SOX30: variants seen among roughly 807,000 people sequenced by gnomAD.
SOX30 encodes the protein SRY-box transcription factor 30, also known as transcription factor SOX-30.
A neutral mutation model predicts 58.6 loss-of-function variants in SOX30; 17 were observed. That is an observed-to-expected ratio of 0.29 (90% CI 0.20 to 0.44). The LOEUF (loss-of-function observed/expected upper bound fraction) is 0.44. Among genes scored for constraint, SOX30 ranks in the 20% least tolerant of loss-of-function variants. The pLI, the probability that SOX30 is intolerant of heterozygous loss-of-function variation, is 1.00. For missense variants in SOX30, 951 were observed against 965.8 expected, an observed-to-expected ratio of 0.98 and a Z score of 0.20; for synonymous variants, 421 against 400.2, an observed-to-expected ratio of 1.05 and a Z score of -0.62.
intron 3 of SOX30, among the ~76,000 whole-genome samples, chr5:157,639,700 CA>C (rs1242900425): frequency 6.6e-6 from 1 of 152,192 alleles, no homozygotes; most frequent in Non-Finnish European, 1.5e-5. Context: ...TGAAGAAATA[CA>C]GATGGATGCC....
At chr5:157,659,687 C>T (rs1435481705) in intron 2 of SOX30, among the ~76,000 whole-genome samples, 4 of 152,148 alleles carry the variant, frequency 2.6e-5, no homozygotes, top group African/African-American at 7.2e-5. Context: ...AACATGTCAC[C>T]AAGGTGGTCA....
At chr5:157,652,578 T>C (rs765570409), upstream of SOX30, among the ~76,000 whole-genome samples, 7 of 152,328 alleles carry the variant, frequency 4.6e-5, no homozygotes, top group Middle Eastern at 3.4e-3. Context: ...CACCAGGGCT[T>C]TTGAATCTTT....
chr5:157,657,717 A>G (rs1346561051), intron 2 of SOX30, among the ~76,000 whole-genome samples: 1 of 152,248 alleles, frequency 6.6e-6, no homozygotes, highest in African/African-American at 2.4e-5. Context: ...ATTGCTGTGA[A>G]TAACATTTGA....
intron 4 of SOX30, among the ~76,000 whole-genome samples, chr5:157,630,546 C>G (rs1189643990): frequency 6.6e-6 from 1 of 152,032 alleles, no homozygotes; most frequent in African/African-American, 2.4e-5. Context: ...TCATTGAAAT[C>G]TCTGTTCAAT....
upstream of SOX30, among the ~76,000 whole-genome samples, chr5:157,656,492 A>G (rs1020733068): frequency 2.6e-4 from 39 of 152,350 alleles, no homozygotes; most frequent in African/African-American, 8.9e-4. Flanking sequence ...GCCTGGGGAC[A>G]TGTGATGTTA....
chr5:157,649,144 G>A (rs528714146), intron 1 of SOX30, among the ~76,000 whole-genome samples: 1 of 151,816 alleles, frequency 6.6e-6, no homozygotes, highest in Non-Finnish European at 1.5e-5. Context: ...GATAACTGTG[G>A]CAATAATCAT....
intron 3 of SOX30, 113 bp downstream of exon 3, chr5:157,646,524 C>T (rs1359476145): frequency 7.7e-6 from 6 of 775,864 alleles, no homozygotes; most frequent in African/African-American, 3.6e-5. Context: ...TTCTTTTTTT[C>T]TTAACATTGT....
intron 2 of SOX30, among the ~76,000 whole-genome samples, chr5:157,647,430 T>C (rs191484063): frequency 6.6e-6 from 1 of 152,236 alleles, no homozygotes; most frequent in East Asian, 1.9e-4. Flanking sequence ...AACCGCTGTA[T>C]TTGAATCCCA....
At chr5:157,665,669 A>G (rs962223097) in intron 2 of SOX30, among the ~76,000 whole-genome samples, 1 of 147,716 alleles carries the variant, frequency 6.8e-6, no homozygotes, top group Non-Finnish European at 1.5e-5. Flanking sequence ...AAATATTTAA[A>G]TAAATATAAA....
chr5:157,647,184 C>A (rs1008040261), intron 2 of SOX30, among the ~76,000 whole-genome samples: 4 of 151,908 alleles, frequency 2.6e-5, no homozygotes, highest in African/African-American at 9.7e-5. Flanking sequence ...GCCTCAGCCT[C>A]CTGAGCAGCT....
At chr5:157,629,139 G>A (rs2113831178) in intron 4 of SOX30, among the ~76,000 whole-genome samples, 1 of 152,268 alleles carries the variant, frequency 6.6e-6, no homozygotes, top group South Asian at 2.1e-4. Flanking sequence ...GTATTTCAAA[G>A]TAGCTATAAG....
chr5:157,637,852 C>G (rs1758967539), intron 4 of SOX30, among the ~76,000 whole-genome samples: 1 of 152,110 alleles, frequency 6.6e-6, no homozygotes, highest in South Asian at 2.1e-4. Flanking sequence ...TGCCACCACG[C>G]CTGGCTAATT....
intron 4 of SOX30, among the ~76,000 whole-genome samples, chr5:157,637,218 T>A (rs976137296): frequency 1.3e-5 from 2 of 152,082 alleles, no homozygotes; most frequent in Non-Finnish European, 2.9e-5. Flanking sequence ...ATTTCTATCA[T>A]TCCAAAATGA....
chr5:157,627,858 G>A (rs1758695785), intron 4 of SOX30, among the ~76,000 whole-genome samples: 1 of 152,106 alleles, frequency 6.6e-6, no homozygotes, highest in African/African-American at 2.4e-5. Context: ...GCCAGGCGTG[G>A]TGGCGGGCGC....
At chr5:157,636,855 TGGTGG>T (rs1758940318) in intron 4 of SOX30, among the ~76,000 whole-genome samples, 1 of 152,090 alleles carries the variant, frequency 6.6e-6, no homozygotes, top group Admixed American at 6.5e-5. Flanking sequence ...AGGCCGGGAA[TGGTGG>T]TTCACGCATG....
chr5:157,642,176 C>T (rs1175612514), intron 3 of SOX30, among the ~76,000 whole-genome samples: 4 of 151,886 alleles, frequency 2.6e-5, no homozygotes, highest in African/African-American at 7.3e-5. Context: ...ATTAGCCAGG[C>T]GTGGTGGCGC....
At chr5:157,638,084 TTTATG>T in intron 4 of SOX30, 141 bp downstream of exon 4, 2 of 780,298 alleles carry the variant, frequency 2.6e-6, no homozygotes, top group South Asian at 4.2e-5. Context: ...TCTCCATCTA[TTTATG>T]TTAACTGCTT....
intron 3 of SOX30, among the ~76,000 whole-genome samples, chr5:157,643,027 C>T (rs1366186032): frequency 2.0e-5 from 3 of 151,816 alleles, no homozygotes; most frequent in Non-Finnish European, 4.4e-5. Flanking sequence ...ATGTTCTAAT[C>T]CAATTGACAA....
chr5:157,661,336 A>G (rs1295698407), intron 2 of SOX30, among the ~76,000 whole-genome samples: 2 of 152,222 alleles, frequency 1.3e-5, no homozygotes, highest in African/African-American at 4.8e-5. Context: ...GAATTCTACC[A>G]TGAATAGTAG....
Sources: allele counts gnomAD v4.1 joint callset (sites outside exome capture counted in the v4.1 genomes callset), GRCh38; gene constraint gnomAD v4.1.1; transcripts MANE v1.5; gene names NCBI Gene and HGNC (gene_info 2026-07-23, HGNC 2026-07-21).